The following INPP4B variants were observed in gnomAD, a reference collection of about 807,000 sequenced individuals.
INPP4B encodes the protein inositol polyphosphate-4-phosphatase type II B.
A neutral mutation model predicts 122.5 loss-of-function variants in INPP4B; 55 were observed. That is an observed-to-expected ratio of 0.45 (90% confidence interval 0.36 to 0.56). INPP4B has a LOEUF of 0.56. Ranked by LOEUF, INPP4B falls within the 20% of genes least tolerant of loss-of-function variation. INPP4B has a pLI of 0.00. For synonymous variants in INPP4B, 403 were observed against 388.7 expected, an observed-to-expected ratio of 1.04 and a Z score of -0.43; for missense variants, 1,000 against 1,097.7, an observed-to-expected ratio of 0.91 and a Z score of 1.26.
intron 1 of INPP4B, among the ~76,000 whole-genome samples, chr4:142,773,849 G>C (rs569795182): frequency 1.3e-5 from 2 of 151,196 alleles, no homozygotes; most frequent in African/African-American, 4.9e-5. Context: ...AATTGATCTA[G>C]ATTTTTGGAG....
At chr4:142,635,445 A>G (rs1438693283) in intron 2 of INPP4B, among the ~76,000 whole-genome samples, 1 of 152,196 alleles carries the variant, frequency 6.6e-6, no homozygotes, top group Non-Finnish European at 1.5e-5. Flanking sequence ...TAGCAAAGAC[A>G]TGGAATCAAC....
chr4:142,662,245 A>G lies in INPP4B; in HGVS notation c.-191+63594T>C, dbSNP rs192471416. Among the ~76,000 whole-genome samples, 402 of 151,712 alleles carry G rather than the reference A, an allele frequency of 2.6e-3. 6 individuals are homozygous for G. The highest frequency in any genetic ancestry group is 0.018 in the East Asian group (95 of 5,164). The stretch of plus-strand genomic sequence containing the variant: ...GTGAGACTGCCTCAAAAAAAAAAAC[A>G]AAAAACAAAAAAACGGTGGGAGAGG... On this transcript the variant is annotated intron_variant, in intron 2 of 25. Coordinates refer to ENST00000262992, the MANE Select transcript of INPP4B (RefSeq NM_001101669.3).
intron 2 of INPP4B, among the ~76,000 whole-genome samples, chr4:142,620,948 T>C (rs1744777517): frequency 6.6e-6 from 1 of 151,972 alleles, no homozygotes; most frequent in Non-Finnish European, 1.5e-5. Flanking sequence ...ATACATGTGT[T>C]AACATTCATA....
intron 1 of INPP4B, among the ~76,000 whole-genome samples, chr4:142,739,684 T>C (rs1209792063): frequency 6.6e-6 from 1 of 151,904 alleles, no homozygotes; most frequent in South Asian, 2.1e-4. Context: ...ACATCAATGA[T>C]ACAGAAATTT....
chr4:142,844,035 C>T (rs1343703371), intron 1 of INPP4B, among the ~76,000 whole-genome samples: 1 of 152,090 alleles, frequency 6.6e-6, no homozygotes, highest in Non-Finnish European at 1.5e-5. Context: ...AACTGATGGT[C>T]TATGATAGTA....
At chr4:142,574,024 T>C (rs183184822) in intron 2 of INPP4B, among the ~76,000 whole-genome samples, 233 of 152,226 alleles carry the variant, frequency 1.5e-3, no homozygotes, top group Non-Finnish European at 2.5e-3. Context: ...ATGTTATCCA[T>C]GACAGAAGTC....
chr4:142,127,997 C>T (rs1198226855), intron 18 of INPP4B, among the ~76,000 whole-genome samples: 2 of 152,026 alleles, frequency 1.3e-5, no homozygotes, highest in African/African-American at 2.4e-5. Context: ...AAATCATTCT[C>T]ACAAAGGAAA....
chr4:142,204,096 A>G (rs1841751525), intron 14 of INPP4B, among the ~76,000 whole-genome samples: 1 of 151,992 alleles, frequency 6.6e-6, no homozygotes, highest in Non-Finnish European at 1.5e-5. Context: ...AATGACACTC[A>G]GAGAGGTCAA....
At chr4:142,591,486 A>G (rs1253350290) in intron 2 of INPP4B, among the ~76,000 whole-genome samples, 3 of 152,180 alleles carry the variant, frequency 2.0e-5, no homozygotes, top group Non-Finnish European at 4.4e-5. Context: ...ATAAATGGAG[A>G]AAGGGCAAAT....
intron 2 of INPP4B, among the ~76,000 whole-genome samples, chr4:142,611,633 TTTTC>T (rs1283985634): frequency 1.1e-4 from 15 of 137,660 alleles, no homozygotes; most frequent in African/African-American, 4.0e-4. Flanking sequence ...GTTTTTTCTT[TTTTC>T]TTTTTTTTTT....
chr4:142,619,465 T>A (rs1179659824), intron 2 of INPP4B, among the ~76,000 whole-genome samples: 1 of 152,108 alleles, frequency 6.6e-6, no homozygotes, highest in African/African-American at 2.4e-5. Context: ...GAAGACATTA[T>A]GCTATGTGAA....
intron 23 of INPP4B, among the ~76,000 whole-genome samples, chr4:142,099,692 T>G (rs1783634071): frequency 6.6e-6 from 1 of 152,170 alleles, no homozygotes; most frequent in Non-Finnish European, 1.5e-5. Context: ...ACACACTTAC[T>G]TAGCTTAACA....
intron 25 of INPP4B, among the ~76,000 whole-genome samples, chr4:142,062,548 C>A (rs1244840039): frequency 6.6e-6 from 1 of 152,048 alleles, no homozygotes; most frequent in African/African-American, 2.4e-5. Context: ...TCATACTGGT[C>A]AACATGGTGA....
chr4:142,467,695 G>A (rs144090833), intron 2 of INPP4B, among the ~76,000 whole-genome samples: 17 of 152,260 alleles, frequency 1.1e-4, no homozygotes, highest in African/African-American at 3.6e-4. Flanking sequence ...TTTGAAATGT[G>A]AGAAAGACAT....
intron 16 of INPP4B, among the ~76,000 whole-genome samples, chr4:142,168,055 G>C (rs959610868): frequency 2.0e-5 from 3 of 150,382 alleles, no homozygotes; most frequent in Admixed American, 6.7e-5. Flanking sequence ...TATCATTCTT[G>C]TTGGTGAACG....
chr4:142,701,643 C>T (rs7680631), intron 2 of INPP4B, among the ~76,000 whole-genome samples: 96,789 of 151,776 alleles, frequency 0.64, 31,949 homozygotes, highest in East Asian at 0.81. Context: ...TTTGAAAGAC[C>T]ATTTCTTCTA....
At chr4:142,480,008 A>G (rs1820316894) in intron 2 of INPP4B, among the ~76,000 whole-genome samples, 1 of 152,212 alleles carries the variant, frequency 6.6e-6, no homozygotes, top group African/African-American at 2.4e-5. Flanking sequence ...GGAAAGTATT[A>G]ATTGCAGTTG....
chr4:142,096,965 T>TG (rs1393909468), intron 23 of INPP4B, among the ~76,000 whole-genome samples: 1 of 152,038 alleles, frequency 6.6e-6, no homozygotes, highest in Admixed American at 6.6e-5. Flanking sequence ...TAGCAAATGA[T>TG]GGGGTTGGAC....
chr4:142,249,395 T>A (rs1045402463), intron 11 of INPP4B, among the ~76,000 whole-genome samples: 1 of 151,526 alleles, frequency 6.6e-6, no homozygotes, highest in Non-Finnish European at 1.5e-5. Flanking sequence ...TTAAGAAATT[T>A]ACACAGAATT....
Sources: gnomAD v4.1 joint callset for allele counts (sites outside exome capture counted in the v4.1 genomes callset) on GRCh38, gnomAD v4.1.1 for gene constraint, MANE v1.5 for transcripts, NCBI Gene and HGNC (gene_info 2026-07-23, HGNC 2026-07-21) for gene names.